The following FRMD6 variants were observed in gnomAD, a reference collection of about 807,000 sequenced individuals.
FRMD6 encodes FERM domain containing 6.
Under a neutral mutation model 73.2 loss-of-function variants are expected in FRMD6, and 37 were observed. The observed-to-expected ratio is 0.51, with a 90% confidence interval of 0.39 to 0.66. The LOEUF (loss-of-function observed/expected upper bound fraction) is 0.66, where lower values mean the gene tolerates loss of function less well. FRMD6 is among the 30% of genes least tolerant of loss of function. The pLI is 0.00. For synonymous variants in FRMD6, 273 were observed against 282.2 expected (o/e 0.97, Z 0.33); for missense variants, 714 against 780.5 (o/e 0.91, Z 1.02).
chr14:51,434,977 A>C, the FRMD6 span, among the ~76,000 whole-genome samples: 6 of 152,214 alleles, frequency 3.9e-5, no homozygotes, highest in Non-Finnish European at 8.8e-5. Context: ...CAAAAGTGTC[A>C]CTGTTGTGGG....
chr14:51,589,155 C>T (rs750984719), intron 2 of FRMD6, among the ~76,000 whole-genome samples: 25 of 152,136 alleles, frequency 1.6e-4, no homozygotes, highest in Non-Finnish European at 2.5e-4. Context: ...ATGCAGCAAG[C>T]TTTCATTCTT....
At chr14:51,430,537 A>G in the FRMD6 span, among the ~76,000 whole-genome samples, 14 of 151,878 alleles carry the variant, frequency 9.2e-5, no homozygotes, top group Non-Finnish European at 1.2e-4. Flanking sequence ...AATCTGGGGT[A>G]GAAGTTCATG....
At chr14:51,595,444 T>C (rs1312072191) in intron 2 of FRMD6, among the ~76,000 whole-genome samples, 1 of 152,230 alleles carries the variant, frequency 6.6e-6, no homozygotes, top group African/African-American at 2.4e-5. Flanking sequence ...TTTGATTATG[T>C]TGGAAAGGTA....
At chr14:51,533,522 T>C (rs1040669137) in intron 1 of FRMD6, among the ~76,000 whole-genome samples, 2 of 152,182 alleles carry the variant, frequency 1.3e-5, no homozygotes, top group South Asian at 2.1e-4. Flanking sequence ...CTCCATTTTA[T>C]ATAATTCCTG....
intron 3 of FRMD6, among the ~76,000 whole-genome samples, chr14:51,698,889 C>T (rs1896115525): frequency 6.6e-6 from 1 of 151,986 alleles, no homozygotes. Context: ...AAGCTTTCTT[C>T]CTTCAAATGA....
the FRMD6 span, among the ~76,000 whole-genome samples, chr14:51,430,127 C>G: frequency 6.6e-6 from 1 of 152,110 alleles, no homozygotes; most frequent in African/African-American, 2.4e-5. Flanking sequence ...TTATGCCAGG[C>G]AAAAGATGTT....
At chr14:51,565,245 T>C (rs1887710707) in intron 1 of FRMD6, 1 of 152,232 alleles carries the variant, frequency 6.6e-6, no homozygotes, top group Non-Finnish European at 1.5e-5. Context: ...GCAAATTGAA[T>C]GGCCAAATTA....
chr14:51,572,190 C>T (rs574466938), intron 2 of FRMD6, among the ~76,000 whole-genome samples: 7 of 152,334 alleles, frequency 4.6e-5, no homozygotes, highest in African/African-American at 1.4e-4. Flanking sequence ...GCTATTAGCT[C>T]CTCTAATGTT....
the FRMD6 span, among the ~76,000 whole-genome samples, chr14:51,468,287 GGA>G: frequency 7.2e-6 from 1 of 139,784 alleles, no homozygotes; most frequent in Non-Finnish European, 1.6e-5. Context: ...GGTGCAAAGG[GGA>G]GACAGAGATG....
At chr14:51,445,207 A>G in the FRMD6 span, among the ~76,000 whole-genome samples, 1 of 152,176 alleles carries the variant, frequency 6.6e-6, no homozygotes, top group Non-Finnish European at 1.5e-5. Context: ...GCATGAAAAC[A>G]TCTCATTGTT....
chr14:51,632,330 A>T (rs1891368021), intron 2 of FRMD6, among the ~76,000 whole-genome samples: 1 of 152,236 alleles, frequency 6.6e-6, no homozygotes, highest in South Asian at 2.1e-4. Flanking sequence ...GATATTAATT[A>T]AGGTGATCTG....
intron 2 of FRMD6, among the ~76,000 whole-genome samples, chr14:51,614,753 C>T (rs541912470): frequency 6.6e-6 from 1 of 152,200 alleles, no homozygotes; most frequent in South Asian, 2.1e-4. Flanking sequence ...AAAGAATGAC[C>T]CTTCCTTTAA....
At chr14:51,538,454 T>A (rs553277228) in intron 1 of FRMD6, among the ~76,000 whole-genome samples, 1 of 152,280 alleles carries the variant, frequency 6.6e-6, no homozygotes, top group South Asian at 2.1e-4. Context: ...TTTGGTGTCA[T>A]AGCTAAGAAA....
intron 1 of FRMD6, among the ~76,000 whole-genome samples, chr14:51,495,563 C>T (rs1235579646): frequency 6.6e-6 from 1 of 152,180 alleles, no homozygotes; most frequent in Non-Finnish European, 1.5e-5. Context: ...CCTAGGCTGC[C>T]CTGTTCTTTA....
upstream of FRMD6, chr14:51,651,560 G>A (rs982543919): frequency 6.6e-6 from 1 of 152,286 alleles, no homozygotes; most frequent in Non-Finnish European, 1.5e-5. Flanking sequence ...CCACAGCAGG[G>A]GGAAAGGCCC....
the FRMD6 span, among the ~76,000 whole-genome samples, chr14:51,427,467 A>G: frequency 8.5e-5 from 13 of 152,276 alleles, no homozygotes; most frequent in African/African-American, 2.4e-4. Flanking sequence ...GGAGAAGCAC[A>G]TAGAACTTTG....
intron 2 of FRMD6, among the ~76,000 whole-genome samples, chr14:51,696,574 T>C (rs1421284552): frequency 6.6e-6 from 1 of 151,774 alleles, no homozygotes; most frequent in African/African-American, 2.4e-5. Flanking sequence ...AGGAATCTGG[T>C]TTAGGCACTA....
chr14:51,490,605 A>ATGTGTGTATTTTG (rs1882937020), intron 1 of FRMD6, among the ~76,000 whole-genome samples: 1 of 88,578 alleles, frequency 1.1e-5, no homozygotes, highest in South Asian at 4.0e-4. Flanking sequence ...TGGACGATAT[A>ATGTGTGTATTTTG]TGTGTGTATT....
At chr14:51,619,876 A>G (rs921477817) in intron 2 of FRMD6, among the ~76,000 whole-genome samples, 5 of 152,184 alleles carry the variant, frequency 3.3e-5, no homozygotes, top group African/African-American at 1.2e-4. Flanking sequence ...GATGAACTTG[A>G]CAATAACAGA....
Sources: allele counts gnomAD v4.1 joint callset (sites outside exome capture counted in the v4.1 genomes callset), GRCh38; gene constraint gnomAD v4.1.1; transcripts MANE v1.5; gene names NCBI Gene and HGNC (gene_info 2026-07-23, HGNC 2026-07-21).